BMPR2: variants seen among roughly 807,000 people sequenced by gnomAD.
The protein encoded by BMPR2 is bone morphogenetic protein receptor type 2.
In BMPR2, 29 loss-of-function variants were observed where a neutral mutation model predicts 100.8. That is an observed-to-expected ratio of 0.29 (90% CI 0.21 to 0.39). The LOEUF is 0.39. Among genes scored for constraint, BMPR2 ranks in the 10% least tolerant of loss-of-function variants. The pLI, the probability that BMPR2 is intolerant of heterozygous loss-of-function variation, is 1.00. For synonymous variants in BMPR2, 382 were observed against 442.3 expected (o/e 0.86, Z 1.71); for missense variants, 1,011 against 1,274.5 (o/e 0.79, Z 3.15).
intron 3 of BMPR2, among the ~76,000 whole-genome samples, chr2:202,484,834 T>A (rs1471686188): frequency 6.6e-6 from 1 of 150,500 alleles, no homozygotes; most frequent in African/African-American, 2.4e-5. Flanking sequence ...CCAGGCGTGG[T>A]GGCGGTTGCC....
intron 1 of BMPR2, among the ~76,000 whole-genome samples, chr2:202,464,368 A>G (rs945537903): frequency 6.6e-6 from 1 of 152,130 alleles, no homozygotes; most frequent in Non-Finnish European, 1.5e-5. Flanking sequence ...TTAGTTTACC[A>G]TACCTAATTA....
At chr2:202,548,051 C>T (rs1016506122) in intron 10 of BMPR2, among the ~76,000 whole-genome samples, 3 of 150,256 alleles carry the variant, frequency 2.0e-5, no homozygotes, top group African/African-American at 7.4e-5. Flanking sequence ...CACCACTGCA[C>T]TCCAGCCTGA....
intron 1 of BMPR2, among the ~76,000 whole-genome samples, chr2:202,428,777 G>T (rs1365590909): frequency 6.6e-6 from 1 of 152,104 alleles, no homozygotes. Context: ...TATTCCAATG[G>T]TTCTGTTCTT....
At chr2:202,410,352 C>T (rs771120236) in intron 1 of BMPR2, among the ~76,000 whole-genome samples, 3 of 152,076 alleles carry the variant, frequency 2.0e-5, no homozygotes, top group East Asian at 3.9e-4. Flanking sequence ...GATTCCAGGA[C>T]TGAGGCAGGG....
chr2:202,388,478 A>G (rs1302093223), intron 1 of BMPR2, among the ~76,000 whole-genome samples: 2 of 150,388 alleles, frequency 1.3e-5, no homozygotes, highest in African/African-American at 4.9e-5. Context: ...ATTCCTTGCT[A>G]AGGCCTTCTT....
At chr2:202,454,535 A>C (rs1304097923) in intron 1 of BMPR2, among the ~76,000 whole-genome samples, 1 of 152,138 alleles carries the variant, frequency 6.6e-6, no homozygotes, top group East Asian at 1.9e-4. Context: ...CTTACCTACT[A>C]ACTTATCTAG....
At chr2:202,534,992 CT>C (rs1283392682) in intron 9 of BMPR2, among the ~76,000 whole-genome samples, 4 of 18,956 alleles carry the variant, frequency 2.1e-4, no homozygotes, top group African/African-American at 6.7e-4. Context: ...GGCTGACCCC[CT>C]GCCACCTCCC....
intron 1 of BMPR2, among the ~76,000 whole-genome samples, chr2:202,394,493 T>A (rs1254354763): frequency 6.6e-6 from 1 of 152,140 alleles, no homozygotes; most frequent in Non-Finnish European, 1.5e-5. Context: ...AAGTAACTTC[T>A]CCCTTTATGA....
chr2:202,414,524 G>C (rs1691083453), intron 1 of BMPR2, among the ~76,000 whole-genome samples: 1 of 152,228 alleles, frequency 6.6e-6, no homozygotes, highest in African/African-American at 2.4e-5. Context: ...CAGGCTGAAA[G>C]CTAGGCCTTT....
chr2:202,555,404 G>A lies in BMPR2; in HGVS notation c.1739G>A (p.Gly580Glu). Reference protein sequence around the residue: ...HSMSSTPLTIGEKNRNSINYE... With the variant: ...HSMSSTPLTIEEKNRNSINYE... The stretch of plus-strand genomic sequence containing the variant: ...ATGTCCAGCACACCTTTGACTATAG[G>A]GGAAAAAAACCGAAATTCAATTAAC... Residue 580 changes from glycine (G) to glutamate (E), a missense_variant, in exon 12 of 13, where the codon GGG (glycine) becomes GAG (glutamate). Around this residue, in one of 6 missense-constraint regions of BMPR2, gnomAD observed 508 missense variants for 552.0 expected, o/e 0.92. Transcript: ENST00000374580. 1 of 1,614,038 alleles carries A rather than the reference G, an allele frequency of 6.2e-7. No homozygotes were observed. The highest frequency in any genetic ancestry group is 1.1e-5 in the South Asian group (1 of 91,068).
intron 1 of BMPR2, among the ~76,000 whole-genome samples, chr2:202,384,157 G>A (rs61412062): frequency 0.053 from 8,130 of 152,206 alleles, 706 homozygotes; most frequent in African/African-American, 0.19. Context: ...TGGCAAAAGA[G>A]TGAAACTCCA....
chr2:202,472,258 A>G (rs549678356), intron 3 of BMPR2, among the ~76,000 whole-genome samples: 32 of 152,330 alleles, frequency 2.1e-4, no homozygotes, highest in Middle Eastern at 3.4e-3. Flanking sequence ...GTTTCTACCT[A>G]TTGAAGGCCA....
rs1553492659 is a variant in BMPR2, at chr2:202,380,196, C to CCA, written c.76+2646_76+2647insCA. Reference sequence around the variant, plus strand: ...CTTAGAACATTTTCTATGCCCCCCCCAAAAAAAAAAACAACTTATGAAAAA... The same window carrying CCA: ...CTTAGAACATTTTCTATGCCCCCCCCCAAAAAAAAAAAACAACTTATGAAAAA... On this transcript the variant is annotated intron_variant, in intron 1 of 12. Transcript: ENST00000374580. Among the ~76,000 whole-genome samples the CCA allele has an allele frequency of 1.0e-3, 137 of 136,942 alleles. 1 individual carries two copies. Among genetic ancestry groups the CCA allele is most frequent in the African/African-American group, 3.3e-3 (126 of 37,652 alleles). 89.8% of individuals were successfully genotyped at this position (136,942 alleles called of 152,430 possible). A position where few individuals can be genotyped will look rare whatever the true frequency, so the allele number is the denominator to read the frequency against.
At chr2:202,506,446 A>G (rs903834206) in intron 3 of BMPR2, among the ~76,000 whole-genome samples, 1 of 152,050 alleles carries the variant, frequency 6.6e-6, no homozygotes, top group Non-Finnish European at 1.5e-5. Flanking sequence ...ATGAGCCACC[A>G]TGCCTGGCCT....
At chr2:202,493,496 G>A (rs989574907) in intron 3 of BMPR2, among the ~76,000 whole-genome samples, 5 of 152,006 alleles carry the variant, frequency 3.3e-5, no homozygotes, top group South Asian at 2.1e-4. Flanking sequence ...TATTTTTCTT[G>A]TATTTTTAAA....
At chr2:202,436,918 T>C (rs1220132591) in intron 1 of BMPR2, among the ~76,000 whole-genome samples, 2 of 150,660 alleles carry the variant, frequency 1.3e-5, no homozygotes, top group Non-Finnish European at 2.9e-5. Flanking sequence ...TCCTCTCATA[T>C]CTCTTTTTTT....
At chr2:202,431,869 C>T (rs1475933674) in intron 1 of BMPR2, among the ~76,000 whole-genome samples, 1 of 150,614 alleles carries the variant, frequency 6.6e-6, no homozygotes, top group Non-Finnish European at 1.5e-5. Context: ...AAAATTCTAA[C>T]AGTACAAAAG....
intron 1 of BMPR2, among the ~76,000 whole-genome samples, chr2:202,398,375 A>G (rs1690695736): frequency 6.6e-6 from 1 of 152,200 alleles, no homozygotes; most frequent in African/African-American, 2.4e-5. Context: ...TTGCAGGTGA[A>G]AACAACTGGC....
At position 202,411,841 on chromosome 2, in the gene BMPR2, T is replaced by G. The variant is rs375028095; in HGVS notation, c.76+34291T>G. Among the ~76,000 whole-genome samples the G allele has an allele frequency of 5.9e-5, 9 of 152,226 alleles. No individual in the cohort carries two copies. In the East Asian group the frequency reaches 1.5e-3, roughly 26 times the overall value. ...ATAACTTCCCAGTACTTTAAAAAAG[T>G]CTCAAAGTCATAAACAAGAAAGAAC... On this transcript the variant is annotated intron_variant, in intron 1 of 12. Transcript: ENST00000374580.
Sources: gnomAD v4.1 joint callset for allele counts (sites outside exome capture counted in the v4.1 genomes callset) on GRCh38, gnomAD v4.1.1 for gene constraint, gnomAD v4.1.1 regional missense constraint, MANE v1.5 for transcripts, NCBI Gene and HGNC (gene_info 2026-07-23, HGNC 2026-07-21) for gene names.